The following HTR4 variants were observed in gnomAD, a reference collection of about 807,000 sequenced individuals.
HTR4 encodes 5-hydroxytryptamine (serotonin) receptor 4, G protein-coupled.
In HTR4, 16 loss-of-function variants were observed where a neutral mutation model predicts 36.8. The observed-to-expected ratio is 0.43, with a 90% confidence interval of 0.29 to 0.66. The LOEUF is 0.66. HTR4 is among the 30% of genes least tolerant of loss of function. The probability of loss-of-function intolerance (pLI) is 0.13; values close to 1 mark genes in which losing one functional copy is unlikely to be tolerated. For synonymous variants in HTR4, 189 were observed against 185.1 expected (o/e 1.02, Z -0.17); for missense variants, 438 against 490.9 (o/e 0.89, Z 1.02).
At chr5:148,625,830 T>C (rs574438909) in intron 2 of HTR4, among the ~76,000 whole-genome samples, 4 of 152,162 alleles carry the variant, frequency 2.6e-5, no homozygotes, top group Non-Finnish European at 5.9e-5. Flanking sequence ...CCACCCACCT[T>C]GGCCTCCCAA....
At chr5:148,575,984 C>A (rs1258781254) in intron 2 of HTR4, among the ~76,000 whole-genome samples, 1 of 151,228 alleles carries the variant, frequency 6.6e-6, no homozygotes, top group Admixed American at 6.6e-5. Flanking sequence ...TCTAGAAAAC[C>A]CCACAGTCTC....
At chr5:148,620,262 C>CT (rs1752867923) in intron 2 of HTR4, among the ~76,000 whole-genome samples, 1 of 152,196 alleles carries the variant, frequency 6.6e-6, no homozygotes, top group Non-Finnish European at 1.5e-5. Flanking sequence ...ACTGATCAGT[C>CT]TGTAATGGCA....
At chr5:148,558,893 A>G (rs1760070204) in intron 2 of HTR4, among the ~76,000 whole-genome samples, 1 of 152,252 alleles carries the variant, frequency 6.6e-6, no homozygotes. Context: ...ACAAGTACAG[A>G]TGTTCCTAGA....
At chr5:148,465,881 C>G (rs1244700393) in intron 5 of HTR4, 1 of 1,613,008 alleles carries the variant, frequency 6.2e-7, no homozygotes, top group Non-Finnish European at 8.5e-7. Context: ...AGGAACTGGT[C>G]TATTGCAGAA....
chr5:148,487,900 G>A (rs1452352961), intron 6 of HTR4, among the ~76,000 whole-genome samples: 2 of 152,174 alleles, frequency 1.3e-5, no homozygotes, highest in African/African-American at 4.8e-5. Flanking sequence ...AGTGGACAAG[G>A]AAGTATTTAT....
chr5:148,557,462 C>T (rs200240276), intron 2 of HTR4, among the ~76,000 whole-genome samples: 4 of 152,094 alleles, frequency 2.6e-5, no homozygotes, highest in South Asian at 4.2e-4. Flanking sequence ...CGAGTGAAGA[C>T]GTCAAGTAGG....
chr5:148,589,021 T>C (rs1160782052), intron 2 of HTR4, among the ~76,000 whole-genome samples: 1 of 152,188 alleles, frequency 6.6e-6, no homozygotes, highest in African/African-American at 2.4e-5. Flanking sequence ...AGATTGTCTA[T>C]AGTATATGTA....
intron 4 of HTR4, among the ~76,000 whole-genome samples, chr5:148,537,851 TGAG>T (rs751253096): frequency 5.3e-5 from 8 of 151,980 alleles, no homozygotes; most frequent in Admixed American, 1.3e-4. Flanking sequence ...TCCAAAAAAT[TGAG>T]GAGGAGAGAC....
At chr5:148,477,011 A>G (rs1220422519), downstream of HTR4, among the ~76,000 whole-genome samples, 5 of 152,312 alleles carry the variant, frequency 3.3e-5, no homozygotes, top group East Asian at 9.6e-4. Context: ...ATATTCTGGA[A>G]GAAAAACTCT....
chr5:148,488,313 G>A (rs113306999), intron 6 of HTR4, among the ~76,000 whole-genome samples: 14 of 152,306 alleles, frequency 9.2e-5, no homozygotes, highest in African/African-American at 3.4e-4. Context: ...CAGTCATTCT[G>A]ACTCAGTGTG....
intron 6 of HTR4, among the ~76,000 whole-genome samples, chr5:148,492,230 A>G (rs1476565400): frequency 6.6e-6 from 1 of 152,176 alleles, no homozygotes; most frequent in Non-Finnish European, 1.5e-5. Context: ...ACAAACACAC[A>G]CGGAATGTGC....
intron 4 of HTR4, among the ~76,000 whole-genome samples, chr5:148,542,917 A>T (rs1759193432): frequency 6.6e-6 from 1 of 152,136 alleles, no homozygotes; most frequent in African/African-American, 2.4e-5. Context: ...TTCCAGTGAG[A>T]ACTGCTATTT....
intron 2 of HTR4, among the ~76,000 whole-genome samples, chr5:148,564,229 T>C (rs1408062377): frequency 6.6e-6 from 1 of 152,188 alleles, no homozygotes; most frequent in Non-Finnish European, 1.5e-5. Context: ...TGAGGCACGC[T>C]TGTTAAACTC....
intron 2 of HTR4, among the ~76,000 whole-genome samples, chr5:148,588,901 A>G (rs1561636742): frequency 6.6e-6 from 1 of 151,978 alleles, no homozygotes; most frequent in Admixed American, 6.6e-5. Flanking sequence ...CACAAATATT[A>G]TGGTCAAAAT....
At chr5:148,504,430 A>G (rs926311428) in intron 6 of HTR4, among the ~76,000 whole-genome samples, 1 of 152,128 alleles carries the variant, frequency 6.6e-6, no homozygotes, top group African/African-American at 2.4e-5. Flanking sequence ...AAATAAAGAT[A>G]TTCTTTGAAA....
chr5:148,477,764 T>C (rs936878310), downstream of HTR4, among the ~76,000 whole-genome samples: 3 of 151,946 alleles, frequency 2.0e-5, no homozygotes, highest in Non-Finnish European at 2.9e-5. Flanking sequence ...CTCCTACCAC[T>C]TTTTTTTCGC....
rs912582175 is a variant in HTR4 at position 148,485,236 on chromosome 5, T to C, written c.1077-1943A>G. On this transcript the variant is annotated intron_variant, in intron 6 of 6. Transcript: ENST00000377888. ...AATGCAGTATGTGCCTTAATTCATG[T>C]ATTACACCCATTTAACAGGCAAGGA... Among the ~76,000 whole-genome samples, 3 of 152,214 alleles carry C rather than the reference T, an allele frequency of 2.0e-5. No homozygotes were observed. In the East Asian group the frequency reaches 5.8e-4, roughly 29 times the overall value.
chr5:148,501,224 T>C (rs1002583578), intron 6 of HTR4, among the ~76,000 whole-genome samples: 2 of 152,174 alleles, frequency 1.3e-5, no homozygotes, highest in African/African-American at 4.8e-5. Context: ...CAAAATGTAT[T>C]GTTAAAGGAT....
intron 4 of HTR4, among the ~76,000 whole-genome samples, chr5:148,534,158 C>G (rs186654486): frequency 3.3e-5 from 5 of 152,304 alleles, no homozygotes; most frequent in Admixed American, 6.5e-5. Flanking sequence ...ACAGGGTAAA[C>G]AGGTCATGTA....
Sources: allele counts gnomAD v4.1 joint callset (sites outside exome capture counted in the v4.1 genomes callset), GRCh38; gene constraint gnomAD v4.1.1; transcripts MANE v1.5; gene names NCBI Gene and HGNC (gene_info 2026-07-23, HGNC 2026-07-21).